CTNNA2: variants seen among roughly 807,000 people sequenced by gnomAD.
CTNNA2 encodes catenin alpha-2.
A neutral mutation model predicts 101.0 loss-of-function variants in CTNNA2; 42 were observed. That is an observed-to-expected ratio of 0.42 (90% CI 0.32 to 0.54). CTNNA2 has a LOEUF of 0.54. Ranked by LOEUF, CTNNA2 falls within the 20% of genes least tolerant of loss-of-function variation. CTNNA2 has a pLI of 0.14. For missense variants in CTNNA2, 871 were observed against 1,223.1 expected (o/e 0.71, Z 4.29); for synonymous variants, 450 against 456.4 (o/e 0.99, Z 0.18).
intron 4 of CTNNA2, among the ~76,000 whole-genome samples, chr2:79,392,651 T>C (rs894369619): frequency 3.9e-5 from 6 of 152,180 alleles, no homozygotes; most frequent in African/African-American, 1.4e-4. Flanking sequence ...TTTTCTTTTT[T>C]GGGAAAGACT....
At chr2:79,352,297 C>G (rs1677408492) in intron 3 of CTNNA2, among the ~76,000 whole-genome samples, 1 of 151,760 alleles carries the variant, frequency 6.6e-6, no homozygotes, top group Non-Finnish European at 1.5e-5. Flanking sequence ...TCAATTTCTT[C>G]CTGGTTCAAT....
At chr2:79,719,795 C>A (rs760064504) in intron 2 of CTNNA2, among the ~76,000 whole-genome samples, 4 of 152,050 alleles carry the variant, frequency 2.6e-5, no homozygotes, top group Non-Finnish European at 5.9e-5. Flanking sequence ...GATACTAGAC[C>A]TTTGTCAGAT....
intron 7 of CTNNA2, among the ~76,000 whole-genome samples, chr2:80,331,822 C>A (rs1429105372): frequency 6.6e-6 from 1 of 152,130 alleles, no homozygotes; most frequent in Non-Finnish European, 1.5e-5. Context: ...TGCTCCCCTC[C>A]AGAATCTTGG....
intron 7 of CTNNA2, among the ~76,000 whole-genome samples, chr2:80,249,341 T>C (rs1049093131): frequency 1.3e-5 from 2 of 152,224 alleles, no homozygotes; most frequent in Non-Finnish European, 2.9e-5. Flanking sequence ...TATTGATAGT[T>C]GGAGAGCCAG....
chr2:79,894,436 T>G, intron 6 of CTNNA2, among the ~76,000 whole-genome samples: 1 of 151,956 alleles, frequency 6.6e-6, no homozygotes, highest in East Asian at 1.9e-4. Flanking sequence ...GTCTTCAGGA[T>G]CAACTTTAAA....
intron 2 of CTNNA2, among the ~76,000 whole-genome samples, chr2:79,708,037 C>A (rs970943939): frequency 6.6e-6 from 1 of 152,146 alleles, no homozygotes; most frequent in African/African-American, 2.4e-5. Context: ...AAATTATAGA[C>A]CTTTCACTTC....
At chr2:80,348,158 C>T (rs1307096643) in intron 7 of CTNNA2, among the ~76,000 whole-genome samples, 1 of 152,086 alleles carries the variant, frequency 6.6e-6, no homozygotes, top group African/African-American at 2.4e-5. Context: ...ATTCTACCAG[C>T]CACAAATTTT....
chr2:79,656,025 A>G (rs562716700), intron 2 of CTNNA2, among the ~76,000 whole-genome samples: 1 of 152,288 alleles, frequency 6.6e-6, no homozygotes, highest in African/African-American at 2.4e-5. Flanking sequence ...TGGCACTGTA[A>G]GTAGTCTTAA....
chr2:79,847,920 A>G (rs1039373269), intron 3 of CTNNA2, among the ~76,000 whole-genome samples: 3 of 152,106 alleles, frequency 2.0e-5, no homozygotes, highest in African/African-American at 7.2e-5. Flanking sequence ...TTGTTTTCCT[A>G]ATAACATTAG....
At chr2:79,782,470 C>G (rs1321385109) in intron 3 of CTNNA2, among the ~76,000 whole-genome samples, 1 of 152,210 alleles carries the variant, frequency 6.6e-6, no homozygotes, top group Non-Finnish European at 1.5e-5. Context: ...CTCCTGACCT[C>G]AGGTGATCTG....
At chr2:80,518,923 A>T (rs1158184070) in intron 9 of CTNNA2, among the ~76,000 whole-genome samples, 1 of 152,120 alleles carries the variant, frequency 6.6e-6, no homozygotes, top group Non-Finnish European at 1.5e-5. Flanking sequence ...GTTTCTGTTC[A>T]CTTCCACCCC....
chr2:80,608,399 A>G, intron 17 of CTNNA2, 81 bp downstream of exon 17: 1 of 1,460,634 alleles, frequency 6.8e-7, no homozygotes, highest in Non-Finnish European at 9.4e-7. Flanking sequence ...CAGTACTGCT[A>G]AAAACACCAA....
At chr2:80,019,333 G>A (rs139073996) in intron 7 of CTNNA2, among the ~76,000 whole-genome samples, 1 of 152,246 alleles carries the variant, frequency 6.6e-6, no homozygotes, top group Non-Finnish European at 1.5e-5. Flanking sequence ...AGCTTGCAAT[G>A]GTTGAAATAT....
At chr2:80,110,883 T>G (rs1701173195) in intron 7 of CTNNA2, among the ~76,000 whole-genome samples, 1 of 152,202 alleles carries the variant, frequency 6.6e-6, no homozygotes, top group African/African-American at 2.4e-5. Flanking sequence ...TTCATGCTGC[T>G]GATAAAGACA....
At chr2:79,204,083 G>T (rs1558572471) in intron 2 of CTNNA2, among the ~76,000 whole-genome samples, 2 of 152,234 alleles carry the variant, frequency 1.3e-5, no homozygotes, top group African/African-American at 4.8e-5. Flanking sequence ...AGCATTTAAA[G>T]TAATAATAAT....
At chr2:79,510,296 TAAATC>T (rs763438188), upstream of CTNNA2, among the ~76,000 whole-genome samples, 3 of 152,110 alleles carry the variant, frequency 2.0e-5, no homozygotes, top group African/African-American at 4.8e-5. Context: ...GGACAACACT[TAAATC>T]AAGAAAATCA....
chr2:79,832,134 A>G (rs1316978505), intron 3 of CTNNA2, among the ~76,000 whole-genome samples: 1 of 152,146 alleles, frequency 6.6e-6, no homozygotes, highest in Non-Finnish European at 1.5e-5. Flanking sequence ...AATCTCATCT[A>G]TCACACTTGG....
At chr2:80,347,639 G>T (rs1295532029) in intron 7 of CTNNA2, among the ~76,000 whole-genome samples, 3 of 151,966 alleles carry the variant, frequency 2.0e-5, no homozygotes, top group African/African-American at 7.3e-5. Context: ...GCAACAAACT[G>T]TATCTGACAT....
At chr2:80,497,199 C>A (rs1687542093) in intron 9 of CTNNA2, among the ~76,000 whole-genome samples, 1 of 152,238 alleles carries the variant, frequency 6.6e-6, no homozygotes, top group South Asian at 2.1e-4. Context: ...ATCATATGAG[C>A]TCACAGCAGG....
Sources: gnomAD v4.1 joint callset for allele counts (sites outside exome capture counted in the v4.1 genomes callset) on GRCh38, gnomAD v4.1.1 for gene constraint, MANE v1.5 for transcripts, NCBI Gene and HGNC (gene_info 2026-07-23, HGNC 2026-07-21) for gene names.